Variants in SSBP2 observed in about 807,000 individuals in gnomAD.
The protein encoded by SSBP2 is single-stranded DNA-binding protein 2.
A neutral mutation model predicts 61.8 loss-of-function variants in SSBP2; 17 were observed. That is an observed-to-expected ratio of 0.28 (90% CI 0.19 to 0.41). The LOEUF is 0.41. Ranked by LOEUF, SSBP2 falls within the 10% of genes least tolerant of loss-of-function variation. The pLI, the probability that SSBP2 is intolerant of heterozygous loss-of-function variation, is 1.00. For synonymous variants in SSBP2, 139 were observed against 141.3 expected, an observed-to-expected ratio of 0.98 and a Z score of 0.12; for missense variants, 310 against 458.7, an observed-to-expected ratio of 0.68 and a Z score of 2.96.
chr5:81,495,169 C>A (rs1767186759), intron 5 of SSBP2, among the ~76,000 whole-genome samples: 1 of 152,060 alleles, frequency 6.6e-6, no homozygotes, highest in African/African-American at 2.4e-5. Context: ...AAAGGTAGAT[C>A]CCTCAGTCGA....
At chr5:81,546,071 G>C (rs895802684) in intron 4 of SSBP2, among the ~76,000 whole-genome samples, 23 of 152,150 alleles carry the variant, frequency 1.5e-4, no homozygotes, top group African/African-American at 5.5e-4. Context: ...GTACAAGCCT[G>C]GCTGATCAAG....
Position 81,442,997 on chromosome 5 carries a change from T to C in SSBP2, c.779-274A>G, listed in dbSNP as rs1381630608. On this transcript the variant is annotated intron_variant, in intron 12 of 16. Transcript: ENST00000320672. ...AAAATTATAGTAAAGTTTTTCTTTT[T>C]AAAAAAGATACTTTTTTACTTCAAG... The C allele has an allele frequency of 1.3e-5, 3 of 224,898 alleles. No homozygotes were observed. In the South Asian group the frequency reaches 4.0e-4, roughly 30 times the overall value. The allele number at this position is 224,898 out of a possible 1,614,324, so 13.9% of individuals were successfully genotyped here. A position where few individuals can be genotyped will look rare whatever the true frequency, so the allele number is the denominator to read the frequency against.
intron 1 of SSBP2, among the ~76,000 whole-genome samples, chr5:81,744,429 A>G (rs1177445876): frequency 5.3e-5 from 8 of 152,126 alleles, no homozygotes; most frequent in African/African-American, 1.9e-4. Flanking sequence ...TTCTGTCATC[A>G]ATTCCTCACC....
At chr5:81,616,572 G>C (rs1159083502) in intron 3 of SSBP2, 1 of 125,074 alleles carries the variant, frequency 8.0e-6, no homozygotes, top group African/African-American at 3.0e-5. Flanking sequence ...CAAAGCAGCC[G>C]GGAAGCTCGA....
At position 81,577,162 on chromosome 5, in the gene SSBP2, T is replaced by A. The variant is rs6867889; in HGVS notation, c.282+38311A>T. Among the ~76,000 whole-genome samples the A allele has an allele frequency of 8.5e-3, 1,288 of 152,196 alleles. 28 individuals carry two copies. The highest frequency in any genetic ancestry group is 0.03 in the African/African-American group (1,230 of 41,576). ...AGCCGTGTGTAATCAATGTGCAGAT[T>A]TATGTCTTTTTACAATATAATAACA... On this transcript the variant is annotated intron_variant, in intron 4 of 16. Transcript: ENST00000320672.
intron 6 of SSBP2, among the ~76,000 whole-genome samples, chr5:81,478,884 T>G (rs1310760412): frequency 1.3e-5 from 2 of 152,236 alleles, no homozygotes; most frequent in Non-Finnish European, 2.9e-5. Context: ...GGCAACCATT[T>G]TCTTCAAAAC....
intron 4 of SSBP2, among the ~76,000 whole-genome samples, chr5:81,545,918 T>C (rs1016943970): frequency 6.6e-6 from 1 of 152,204 alleles, no homozygotes; most frequent in Non-Finnish European, 1.5e-5. Flanking sequence ...CACTCCATTC[T>C]TGGTGAGCTA....
chr5:81,501,780 A>C (rs923105050), intron 5 of SSBP2, among the ~76,000 whole-genome samples: 10 of 151,540 alleles, frequency 6.6e-5, no homozygotes, highest in Admixed American at 5.3e-4. Context: ...GTTAGCCAGG[A>C]TGGTCTCGAT....
At chr5:81,720,851 TACAC>T (rs1755499530) in intron 1 of SSBP2, among the ~76,000 whole-genome samples, 1 of 152,222 alleles carries the variant, frequency 6.6e-6, no homozygotes, top group Non-Finnish European at 1.5e-5. Context: ...GTTGAACTGT[TACAC>T]ACATTTTCCT....
At position 81,542,392 on chromosome 5, in the gene SSBP2, C is replaced by T. The variant is rs192394534; in HGVS notation, c.283-28675G>A. ...AACTCAAAACTATCATTCAACCCAG[C>T]AATCCCATTACTTGGCATAAAACCA... On this transcript the variant is annotated intron_variant, in intron 4 of 16. Coordinates refer to ENST00000320672, the MANE Select transcript of SSBP2 (RefSeq NM_012446.5). Among the ~76,000 whole-genome samples the T allele has an allele frequency of 2.0e-5, 3 of 152,126 alleles. 1 individual carries two copies. Among genetic ancestry groups the T allele is most frequent in the Non-Finnish European group, 4.4e-5 (3 of 68,014 alleles).
intron 1 of SSBP2, among the ~76,000 whole-genome samples, chr5:81,707,615 G>A (rs1238660232): frequency 3.9e-5 from 6 of 152,106 alleles, no homozygotes; most frequent in Non-Finnish European, 2.9e-5. Flanking sequence ...TGTTGTTTAA[G>A]CCACCTACTT....
intron 4 of SSBP2, among the ~76,000 whole-genome samples, chr5:81,549,719 A>T (rs930536297): frequency 5.9e-5 from 9 of 152,276 alleles, no homozygotes; most frequent in Admixed American, 1.3e-4. Context: ...ATTTTTAAGC[A>T]ATGTTATTGA....
chr5:81,693,809 C>T (rs1360593133), intron 1 of SSBP2, among the ~76,000 whole-genome samples: 2 of 152,136 alleles, frequency 1.3e-5, no homozygotes, highest in South Asian at 4.1e-4. Context: ...ACCATATGAT[C>T]CAGCAATCCC....
chr5:81,588,240 G>A (rs904519920), intron 4 of SSBP2, among the ~76,000 whole-genome samples: 1 of 152,030 alleles, frequency 6.6e-6, no homozygotes, highest in Non-Finnish European at 1.5e-5. Context: ...ACCATGCCTG[G>A]CTGAAAGACA....
intron 4 of SSBP2, among the ~76,000 whole-genome samples, chr5:81,612,411 C>T (rs538343125): frequency 2.6e-5 from 4 of 152,038 alleles, no homozygotes; most frequent in Admixed American, 6.5e-5. Flanking sequence ...AGTAACTTTC[C>T]TGAATGTGAA....
intron 1 of SSBP2, among the ~76,000 whole-genome samples, chr5:81,730,195 A>G (rs1756162569): frequency 2.0e-5 from 3 of 152,178 alleles, no homozygotes; most frequent in Admixed American, 6.5e-5. Flanking sequence ...ACGCTTCATC[A>G]TTACCAAAAT....
chr5:81,750,591 C>G (rs1380372205), intron 1 of SSBP2: 1 of 207,810 alleles, frequency 4.8e-6, no homozygotes, highest in African/African-American at 2.4e-5. Flanking sequence ...TTCCTCCACG[C>G]AGCTGCCCCT....
chr5:81,512,144 G>C (rs1768658488), intron 5 of SSBP2, among the ~76,000 whole-genome samples: 1 of 152,104 alleles, frequency 6.6e-6, no homozygotes, highest in Admixed American at 6.5e-5. Flanking sequence ...GTAAGAGAAA[G>C]AAGGGAATGA....
intron 1 of SSBP2, among the ~76,000 whole-genome samples, chr5:81,672,269 A>C (rs1278144874): frequency 1.3e-5 from 2 of 151,952 alleles, no homozygotes; most frequent in African/African-American, 4.8e-5. Flanking sequence ...AAAGATATTC[A>C]TCTACATGGC....
Sources: gnomAD v4.1 joint callset for allele counts (sites outside exome capture counted in the v4.1 genomes callset) on GRCh38, gnomAD v4.1.1 for gene constraint, MANE v1.5 for transcripts, NCBI Gene and HGNC (gene_info 2026-07-23, HGNC 2026-07-21) for gene names.